The following NFKBIB variants were observed in gnomAD, a reference collection of about 807,000 sequenced individuals.
NFKBIB encodes NFKB inhibitor beta.
NFKBIB carries 16 observed loss-of-function variants against 32.1 expected under a neutral mutation model. That is an observed-to-expected ratio of 0.50 (90% confidence interval 0.34 to 0.76). The LOEUF is 0.76. Among genes scored for constraint, NFKBIB ranks in the 30% least tolerant of loss-of-function variants. The probability of loss-of-function intolerance (pLI) is 0.01; values close to 1 mark genes in which losing one functional copy is unlikely to be tolerated. For missense variants in NFKBIB, 437 were observed against 514.9 expected (o/e 0.85, Z 1.46); for synonymous variants, 222 against 219.5 (o/e 1.01, Z -0.10).
intron 5 of NFKBIB, chr19:38,908,481 G>C (rs1233610003): frequency 8.9e-7 from 1 of 1,118,250 alleles, no homozygotes; most frequent in East Asian, 3.6e-5. Flanking sequence ...GGAGGTTGCA[G>C]TGAACCTAGA....
intron 1 of NFKBIB, among the ~76,000 whole-genome samples, chr19:38,900,932 C>A (rs1444963946): frequency 6.6e-6 from 1 of 151,858 alleles, no homozygotes; most frequent in Non-Finnish European, 1.5e-5. Context: ...AATGGAAAGA[C>A]AGGAAGAAAC....
chr19:38,901,174 T>G (rs1474528192), intron 1 of NFKBIB, among the ~76,000 whole-genome samples: 1 of 152,238 alleles, frequency 6.6e-6, no homozygotes, highest in Non-Finnish European at 1.5e-5. Flanking sequence ...AAGCAGGGCC[T>G]GATCCAGGAG....
At chr19:38,904,697 G>T (rs1974061393) in intron 1 of NFKBIB, among the ~76,000 whole-genome samples, 1 of 152,112 alleles carries the variant, frequency 6.6e-6, no homozygotes, top group Non-Finnish European at 1.5e-5. Flanking sequence ...TTCATTGCAC[G>T]ATGTCCAGTG....
chr19:38,907,243 C>G lies in NFKBIB; in HGVS notation c.642C>G (p.Ala214=). The G allele has an allele frequency of 6.2e-7, 1 of 1,613,044 alleles. No homozygotes were observed. Among genetic ancestry groups the G allele is most frequent in the Non-Finnish European group, 8.5e-7 (1 of 1,179,364 alleles). The change falls in exon 4 of 6, where the codon GCC becomes GCG. Residue 214 remains alanine, a synonymous_variant. Transcript: ENST00000313582. ...CAGGCCACACCCCACTCCACGTGGC[C>G]GTTATCCACAAAGATGTGGAGATGG... The part of the protein sequence containing the change: ...NYEGHTPLHV[A]VIHKDVEMVR...
chr19:38,908,612 G>A, intron 5 of NFKBIB, 119 bp from the exon 6 acceptor site: 5 of 1,414,782 alleles, frequency 3.5e-6, no homozygotes, highest in Middle Eastern at 2.7e-4. Context: ...GTTGAGCCAG[G>A]AGCAGGGGAA....
intron 5 of NFKBIB, 155 bp downstream of exon 5, chr19:38,907,814 C>G: frequency 7.0e-7 from 1 of 1,437,486 alleles, no homozygotes; most frequent in Non-Finnish European, 9.2e-7. Flanking sequence ...CAGGAGAGAC[C>G]TGGACAGGGG....
chr19:38,900,072 G>A lies in NFKBIB; in HGVS notation c.40G>A (p.Asp14Asn). ...VACLGKAADADEWCDSGLGSL... is the reference protein window; with the variant it reads ...VACLGKAADANEWCDSGLGSL... ...GTGCTTGGGAAAAGCTGCCGACGCA[G>A]ATGAATGGTGCGACAGCGGCCTGGG... The change falls in exon 1 of 6, where the codon GAT becomes AAT. Residue 14 changes from aspartate (D) to asparagine (N), a missense_variant. Coordinates refer to ENST00000313582, the MANE Select transcript of NFKBIB (RefSeq NM_002503.5). 2 of 1,522,870 alleles carry A rather than the reference G, an allele frequency of 1.3e-6. No homozygotes were observed. Among genetic ancestry groups the A allele is most frequent in the South Asian group, 2.5e-5 (2 of 81,552 alleles). 94.3% of individuals were successfully genotyped at this position (1,522,870 alleles called of 1,614,324 possible). A position where few individuals can be genotyped will look rare whatever the true frequency, so the allele number is the denominator to read the frequency against.
chr19:38,903,408 T>C (rs980854966), intron 1 of NFKBIB, among the ~76,000 whole-genome samples: 2 of 152,018 alleles, frequency 1.3e-5, no homozygotes, highest in African/African-American at 2.4e-5. Context: ...CTCAGCCTCC[T>C]GTGTAGGTGG....
rs774355470 is a variant in NFKBIB, at chr19:38,907,203, C to T, written c.620-18C>T. Reference sequence around the variant, plus strand: ...GGGCCCTCACCTCATCATCTGACGCCAATCACTCTGTCCCCAGGCCACACC... The same window carrying T: ...GGGCCCTCACCTCATCATCTGACGCTAATCACTCTGTCCCCAGGCCACACC... On this transcript the variant is annotated intron_variant, in intron 3 of 5. Coordinates refer to ENST00000313582, the MANE Select transcript of NFKBIB (RefSeq NM_002503.5). 1.3e-6 allele frequency: 2 copies of T among 1,598,144 alleles called. No individual in the cohort carries two copies. Among genetic ancestry groups the T allele is most frequent in the South Asian group, 2.2e-5 (2 of 90,228 alleles).
At chr19:38,908,603 T>A in intron 5 of NFKBIB, 128 bp from the exon 6 acceptor site, 1 of 1,367,044 alleles carries the variant, frequency 7.3e-7, no homozygotes, top group Non-Finnish European at 9.4e-7. Context: ...AACTGGGAGG[T>A]TGAGCCAGGA....
intron 1 of NFKBIB, among the ~76,000 whole-genome samples, chr19:38,901,874 CCAGA>C (rs916416418): frequency 1.1e-4 from 16 of 152,046 alleles, no homozygotes; most frequent in Middle Eastern, 6.8e-3. Context: ...ACCACTGTGC[CCAGA>C]CAGTCTCTGC....
At chr19:38,907,792 C>G in intron 5 of NFKBIB, 133 bp downstream of exon 5, 1 of 1,450,762 alleles carries the variant, frequency 6.9e-7, no homozygotes, top group South Asian at 1.5e-5. Flanking sequence ...GCCAGTGACA[C>G]GGGGCACTAG....
At chr19:38,904,968 G>A (rs763674065) in intron 1 of NFKBIB, 47 bp from the exon 2 acceptor site, 10 of 1,569,536 alleles carry the variant, frequency 6.4e-6, no homozygotes, top group Non-Finnish European at 7.9e-6. Context: ...ATGAAGGAAT[G>A]CAAGAGGACT....
intron 1 of NFKBIB, 58 bp from the exon 2 acceptor site, chr19:38,904,957 A>T: frequency 6.5e-7 from 1 of 1,531,094 alleles, no homozygotes; most frequent in Non-Finnish European, 9.0e-7. Flanking sequence ...ATGTTTGTTC[A>T]ATGAAGGAAT....
rs1361365823 is a variant in NFKBIB, at chr19:38,899,983, G to C, written c.-50G>C. 2 of 1,437,460 alleles carry C rather than the reference G, an allele frequency of 1.4e-6. No individual in the cohort carries two copies. Among genetic ancestry groups the C allele is most frequent in the Non-Finnish European group, 1.8e-6 (2 of 1,098,192 alleles). 89.0% of individuals were successfully genotyped at this position (1,437,460 alleles called of 1,614,324 possible). A position where few individuals can be genotyped will look rare whatever the true frequency, so the allele number is the denominator to read the frequency against. On this transcript the variant is annotated 5_prime_UTR_variant, in exon 1 of 6. Coordinates refer to ENST00000313582, the MANE Select transcript of NFKBIB (RefSeq NM_002503.5). Reference sequence around the variant, plus strand: ...CGGAAGCTCCAGAACTCCCGGCAAAGCCCAGCTACAGGCGGGCGACTGCGG... The same window carrying C: ...CGGAAGCTCCAGAACTCCCGGCAAACCCCAGCTACAGGCGGGCGACTGCGG...
intron 3 of NFKBIB, among the ~76,000 whole-genome samples, chr19:38,906,463 AAGGTTTTTTTT>A (rs1974122546): frequency 1.0e-5 from 1 of 95,340 alleles, no homozygotes. Context: ...ACCTTAATTT[AAGGTTTTTTTT>A]TTTTTTTTTT....
rs1161853609 is a variant in NFKBIB, at chr19:38,907,620, C to T, written c.930C>T (p.Pro310=). The T allele has an allele frequency of 6.2e-7, 1 of 1,611,096 alleles. No individual in the cohort carries two copies. The highest frequency in any genetic ancestry group is 1.7e-4 in the Middle Eastern group (1 of 6,056). The change falls in exon 5 of 6, where the codon CCC becomes CCT. Residue 310 remains proline (P), a synonymous_variant. Coordinates refer to ENST00000313582, the MANE Select transcript of NFKBIB (RefSeq NM_002503.5). The part of the protein sequence containing the change: ...EPEGEDEKSG[P]CSSSSDSDSG... ...AGGGCGAGGACGAGAAATCCGGCCC[C>T]TGCAGCAGCAGTAGCGACAGCGACA...
rs760924406 is a variant in NFKBIB, at chr19:38,905,363, C to T, written c.447C>T (p.Pro149=). The change falls in exon 3 of 6, where the codon CCC becomes CCT. Residue 149 remains proline (P), a synonymous_variant. Transcript: ENST00000313582. This position sits in a 1 kb window ranked among gnomAD's most constrained non-coding sequence, Gnocchi z 5.5. ...AHACARALLQ[P]RPRRPREAPD... ...CCTGTGCCCGTGCCCTGCTTCAGCC[C>T]CGCCCCCGGCGCCCCAGGGAAGCCC... is the stretch of plus-strand genomic sequence containing the variant. 1 of 1,612,488 alleles carries T rather than the reference C, an allele frequency of 6.2e-7. No individual in the cohort carries two copies.
chr19:38,901,739 C>T (rs1373418330), intron 1 of NFKBIB, among the ~76,000 whole-genome samples: 2 of 152,054 alleles, frequency 1.3e-5, no homozygotes, highest in Non-Finnish European at 2.9e-5. Flanking sequence ...GTGATCCACC[C>T]GCTGTGGCCT....
Sources: gnomAD v4.1 joint callset for allele counts (sites outside exome capture counted in the v4.1 genomes callset) on GRCh38, gnomAD v4.1.1 for gene constraint, Gnocchi (gnomAD v3.1) non-coding constraint, MANE v1.5 for transcripts, NCBI Gene and HGNC (gene_info 2026-07-23, HGNC 2026-07-21) for gene names.